Variants in SORCS2 observed in about 807,000 individuals in gnomAD.
SORCS2 encodes VPS10 domain-containing receptor SorCS2.
SORCS2 carries 100 observed loss-of-function variants against 141.6 expected under a neutral mutation model. That is an observed-to-expected ratio of 0.71 (90% CI 0.60 to 0.83). The LOEUF is 0.83. SORCS2 is among the 40% of genes least tolerant of loss of function. The pLI is 0.00. For synonymous variants in SORCS2, 789 were observed against 676.9 expected, an observed-to-expected ratio of 1.17 and a Z score of -2.57; for missense variants, 1,646 against 1,560.2, an observed-to-expected ratio of 1.05 and a Z score of -0.93.
chr4:7,731,720 A>T (rs1402727535), intron 23 of SORCS2, among the ~76,000 whole-genome samples: 1 of 152,264 alleles, frequency 6.6e-6, no homozygotes, highest in Non-Finnish European at 1.5e-5. Context: ...AGAAAAGAGA[A>T]TATCTCCCAT....
intron 1 of SORCS2, among the ~76,000 whole-genome samples, chr4:7,355,215 G>C (rs544185300): frequency 1.1e-4 from 16 of 152,136 alleles, no homozygotes; most frequent in African/African-American, 3.9e-4. Flanking sequence ...CCAGAGAGAG[G>C]GTCCCCTTCA....
At chr4:7,332,206 TG>T (rs1324532360) in intron 1 of SORCS2, among the ~76,000 whole-genome samples, 1 of 152,206 alleles carries the variant, frequency 6.6e-6, no homozygotes, top group Non-Finnish European at 1.5e-5. Flanking sequence ...TGCCCTGATG[TG>T]GGGGGCTCTC....
chr4:7,661,395 C>T, intron 5 of SORCS2, 105 bp from the exon 6 acceptor site: 1 of 1,248,792 alleles, frequency 8.0e-7, no homozygotes, highest in Admixed American at 2.0e-5. Flanking sequence ...GCAAGGGCGG[C>T]TTCAGAACCA....
intron 2 of SORCS2, among the ~76,000 whole-genome samples, chr4:7,459,815 C>T (rs1420903945): frequency 6.6e-6 from 1 of 152,178 alleles, no homozygotes; most frequent in East Asian, 1.9e-4. Flanking sequence ...GTGAAGCCAG[C>T]CTGGTCACAT....
chr4:7,315,581 C>T (rs1364827447), intron 1 of SORCS2, among the ~76,000 whole-genome samples: 2 of 152,194 alleles, frequency 1.3e-5, no homozygotes, highest in African/African-American at 4.8e-5. Flanking sequence ...CTGTGGTGCG[C>T]CACCTCTCTC....
chr4:7,438,540 C>G (rs184199327), intron 2 of SORCS2, among the ~76,000 whole-genome samples: 9 of 152,250 alleles, frequency 5.9e-5, no homozygotes, highest in Non-Finnish European at 1.2e-4. Context: ...TTTTCTAGCT[C>G]TGTCTTCCTT....
chr4:7,681,064 A>G (rs1161044487), intron 9 of SORCS2, among the ~76,000 whole-genome samples: 6 of 152,220 alleles, frequency 3.9e-5, no homozygotes, highest in African/African-American at 1.4e-4. Context: ...TTGACTTTGA[A>G]TGAATGCTGT....
intron 1 of SORCS2, among the ~76,000 whole-genome samples, chr4:7,234,308 G>T (rs1712111064): frequency 6.6e-6 from 1 of 152,354 alleles, no homozygotes; most frequent in Admixed American, 6.5e-5. Context: ...GCTGCCAGCA[G>T]GCCTGTTCTG....
chr4:7,602,500 C>T (rs982847101), intron 3 of SORCS2, among the ~76,000 whole-genome samples: 1 of 150,296 alleles, frequency 6.7e-6, no homozygotes, highest in Non-Finnish European at 1.5e-5. Flanking sequence ...AGAGGCGCTC[C>T]CCACATCTCA....
intron 2 of SORCS2, among the ~76,000 whole-genome samples, chr4:7,458,718 C>A (rs1006083311): frequency 5.9e-5 from 9 of 152,248 alleles, no homozygotes; most frequent in Admixed American, 5.9e-4. Flanking sequence ...AAGGTCCCAG[C>A]CAGGAGGAGC....
intron 1 of SORCS2, among the ~76,000 whole-genome samples, chr4:7,379,508 A>T (rs2109064769): frequency 6.6e-6 from 1 of 152,288 alleles, no homozygotes; most frequent in Middle Eastern, 3.4e-3. Flanking sequence ...AATTACAGTG[A>T]TGTATGGCTG....
intron 2 of SORCS2, chr4:7,434,979 C>G: frequency 7.1e-7 from 1 of 1,402,588 alleles, no homozygotes; most frequent in Non-Finnish European, 9.5e-7. Flanking sequence ...AAGGGCGGCC[C>G]CACCTCCTGG....
At chr4:7,411,818 A>T (rs1292554261) in intron 2 of SORCS2, among the ~76,000 whole-genome samples, 1 of 152,160 alleles carries the variant, frequency 6.6e-6, no homozygotes, top group Non-Finnish European at 1.5e-5. Flanking sequence ...ATTGGAGCAG[A>T]GGAAGTGGTA....
At chr4:7,452,786 A>T (rs1161695267) in intron 2 of SORCS2, among the ~76,000 whole-genome samples, 1 of 152,108 alleles carries the variant, frequency 6.6e-6, no homozygotes, top group Non-Finnish European at 1.5e-5. Context: ...AAGAGCTTGG[A>T]CGTGTTAGTG....
intron 1 of SORCS2, among the ~76,000 whole-genome samples, chr4:7,393,895 G>A (rs992508483): frequency 2.0e-5 from 3 of 152,158 alleles, no homozygotes; most frequent in South Asian, 2.1e-4. Context: ...CGTGGAACCC[G>A]GGTGGTCTGA....
At chr4:7,691,265 G>A (rs1724230823) in intron 11 of SORCS2, among the ~76,000 whole-genome samples, 1 of 152,248 alleles carries the variant, frequency 6.6e-6, no homozygotes, top group Admixed American at 6.5e-5. Context: ...CCGAGCTGGG[G>A]CCTGGCCCAG....
chr4:7,358,512 C>T (rs2109019036), intron 1 of SORCS2, among the ~76,000 whole-genome samples: 1 of 152,346 alleles, frequency 6.6e-6, no homozygotes, highest in South Asian at 2.1e-4. Context: ...TGCCAGTGAG[C>T]TCCTGTAGCT....
At chr4:7,381,537 C>T (rs896152753) in intron 1 of SORCS2, among the ~76,000 whole-genome samples, 3 of 152,194 alleles carry the variant, frequency 2.0e-5, no homozygotes, top group Admixed American at 6.5e-5. Flanking sequence ...GAAGGCTGTC[C>T]CCCGTGAGTG....
chr4:7,406,739 C>T (rs558578138), intron 2 of SORCS2, among the ~76,000 whole-genome samples: 72 of 151,590 alleles, frequency 4.7e-4, no homozygotes, highest in African/African-American at 7.5e-4. Flanking sequence ...ATTTCTGCTC[C>T]GATTATTAGT....
Sources: allele counts gnomAD v4.1 joint callset (sites outside exome capture counted in the v4.1 genomes callset), GRCh38; gene constraint gnomAD v4.1.1; transcripts MANE v1.5; gene names NCBI Gene and HGNC (gene_info 2026-07-23, HGNC 2026-07-21).